FDFT1: variants seen among roughly 807,000 people sequenced by gnomAD.
FDFT1 encodes the protein squalene synthase.
A neutral mutation model predicts 46.8 loss-of-function variants in FDFT1; 68 were observed. The ratio of observed to expected loss-of-function variants is 1.45; its 90% CI spans 1.19 to 1.78. The LOEUF (loss-of-function observed/expected upper bound fraction) is 1.78, where lower values mean the gene tolerates loss of function less well. FDFT1 is among the 40% of genes most tolerant of loss of function. The pLI, the probability that FDFT1 is intolerant of heterozygous loss-of-function variation, is 0.00. For missense variants in FDFT1, 928 were observed against 524.4 expected (o/e 1.77, Z -7.52); for synonymous variants, 351 against 185.1 (o/e 1.90, Z -7.28).
chr8:11,825,742 CT>C (rs1809881245), intron 4 of FDFT1, among the ~76,000 whole-genome samples: 1 of 151,350 alleles, frequency 6.6e-6, no homozygotes, highest in South Asian at 2.1e-4. Flanking sequence ...TTTCAGTAGC[CT>C]TTTATTATAG....
upstream of FDFT1, among the ~76,000 whole-genome samples, chr8:11,799,822 T>G (rs1805921864): frequency 6.6e-6 from 1 of 151,846 alleles, no homozygotes; most frequent in Non-Finnish European, 1.5e-5. Flanking sequence ...GGTACATGCC[T>G]GTAGTTCCAG....
At chr8:11,801,102 G>A (rs1170506258), upstream of FDFT1, among the ~76,000 whole-genome samples, 1 of 152,182 alleles carries the variant, frequency 6.6e-6, no homozygotes, top group Admixed American at 6.5e-5. Context: ...GCAGACTCGA[G>A]GGGCACAGGA....
At chr8:11,798,915 G>A (rs1805829482), upstream of FDFT1, among the ~76,000 whole-genome samples, 1 of 152,148 alleles carries the variant, frequency 6.6e-6, no homozygotes, top group Non-Finnish European at 1.5e-5. Context: ...CTTCTAAAGG[G>A]TTACAGCATG....
chr8:11,835,048 C>G (rs913744771), intron 7 of FDFT1, among the ~76,000 whole-genome samples: 2 of 152,170 alleles, frequency 1.3e-5, no homozygotes, highest in Non-Finnish European at 2.9e-5. Context: ...CGCTTGAACT[C>G]GGGAGGTGGA....
intron 1 of FDFT1, among the ~76,000 whole-genome samples, chr8:11,807,070 G>T (rs922593416): frequency 6.8e-6 from 1 of 147,680 alleles, no homozygotes; most frequent in Non-Finnish European, 1.5e-5. Flanking sequence ...CCAGAGCCCA[G>T]GGTTCACTGT....
chr8:11,804,374 G>A (rs918250983), intron 1 of FDFT1, among the ~76,000 whole-genome samples: 2 of 152,158 alleles, frequency 1.3e-5, no homozygotes, highest in African/African-American at 2.4e-5. Context: ...AGTGGGTAGA[G>A]AAAGACTTCA....
intron 7 of FDFT1, among the ~76,000 whole-genome samples, chr8:11,836,970 C>T (rs1316221882): frequency 6.6e-6 from 1 of 152,236 alleles, no homozygotes; most frequent in East Asian, 1.9e-4. Flanking sequence ...GCGGTGTAGT[C>T]AGGGTGAAAA....
Position 11,829,248 on chromosome 8 carries a change from A to G in FDFT1, c.703-996A>G, listed in dbSNP as rs118189720. Among the ~76,000 whole-genome samples the G allele has an allele frequency of 4.5e-3, 682 of 152,326 alleles. 9 individuals are homozygous for G. The highest frequency in any genetic ancestry group is 0.033 in the South Asian group (160 of 4,824). ...TGCCATTTTAACTATTTTTAAGTCT[A>G]TTATTCAGTGGCATTAAGTACATTA... On this transcript the variant is annotated intron_variant, in intron 5 of 7. Coordinates refer to ENST00000220584, the MANE Select transcript of FDFT1 (RefSeq NM_004462.5).
intron 3 of FDFT1, among the ~76,000 whole-genome samples, chr8:11,815,861 C>G (rs1808371324): frequency 6.6e-6 from 1 of 152,142 alleles, no homozygotes; most frequent in Non-Finnish European, 1.5e-5. Flanking sequence ...TGCAGAAGCT[C>G]TTTAGTTGAA....
intron 3 of FDFT1, among the ~76,000 whole-genome samples, chr8:11,818,141 G>A (rs1390875972): frequency 1.3e-5 from 2 of 152,166 alleles, no homozygotes; most frequent in Non-Finnish European, 2.9e-5. Context: ...TCAGGAGCAG[G>A]TTGTTCAGTT....
intron 3 of FDFT1, chr8:11,810,069 ACT>A (rs757033857): frequency 3.9e-6 from 2 of 507,906 alleles, no homozygotes; most frequent in South Asian, 3.0e-5. Flanking sequence ...ACTTACAAAG[ACT>A]CTCTGTGCCT....
upstream of FDFT1, chr8:11,801,700 T>G (rs1806133830): frequency 2.3e-5 from 7 of 299,504 alleles, no homozygotes; most frequent in South Asian, 8.2e-5. Context: ...AGTAGGTTTT[T>G]TTTTTTTTTT....
At chr8:11,802,329 A>G (rs1806207991), upstream of FDFT1, 4 of 409,058 alleles carry the variant, frequency 9.8e-6, no homozygotes, top group South Asian at 6.8e-5. Flanking sequence ...TGGGCGACTT[A>G]TTGACCAAGT....
chr8:11,829,840 TTTTG>T (rs1810524817), intron 5 of FDFT1, among the ~76,000 whole-genome samples: 3 of 151,838 alleles, frequency 2.0e-5, no homozygotes, highest in African/African-American at 7.3e-5. Context: ...TAGTGTTTTT[TTTTG>T]TTTTGTTTTG....
chr8:11,803,371 T>A (rs1235019585), intron 1 of FDFT1: 31 of 1,289,972 alleles, frequency 2.4e-5, no homozygotes, highest in Non-Finnish European at 3.1e-5. Context: ...CTCCTCCAGT[T>A]TCACCACCTC....
intron 7 of FDFT1, among the ~76,000 whole-genome samples, chr8:11,833,244 A>AT (rs1563342675): frequency 1.6e-4 from 25 of 152,292 alleles, no homozygotes; most frequent in African/African-American, 6.0e-4. Flanking sequence ...TGGGGTAGTG[A>AT]CCAAGTAGGT....
At chr8:11,815,734 A>G (rs894009044) in intron 3 of FDFT1, among the ~76,000 whole-genome samples, 1 of 151,898 alleles carries the variant, frequency 6.6e-6, no homozygotes, top group African/African-American at 2.4e-5. Context: ...TTTCTTGTAA[A>G]TTTTTTTTAA....
At chr8:11,836,751 C>T (rs946885815) in intron 7 of FDFT1, among the ~76,000 whole-genome samples, 3 of 152,214 alleles carry the variant, frequency 2.0e-5, no homozygotes, top group African/African-American at 7.2e-5. Context: ...ATTGAAAAGT[C>T]TTGGCTGGGT....
rs1034126237 is a variant in FDFT1 at position 11,803,058 on chromosome 8, C to G, written c.99+127C>G. The G allele has an allele frequency of 4.1e-6, 6 of 1,458,564 alleles. No homozygotes were observed. In the Admixed American group the frequency reaches 7.8e-5, roughly 19 times the overall value. The allele number at this position is 1,458,564 out of a possible 1,614,324, so 90.4% of individuals were successfully genotyped here. A position where few individuals can be genotyped will look rare whatever the true frequency, so the allele number is the denominator to read the frequency against. On this transcript the variant is annotated intron_variant, in intron 1 of 7. Transcript: ENST00000220584. Reference sequence around the variant, plus strand: ...GAGCAGGGCCGACGCCTGGGTGTTCCCGTCCCCCTTTCCTCGAGCCTTCCC... The same window carrying G: ...GAGCAGGGCCGACGCCTGGGTGTTCGCGTCCCCCTTTCCTCGAGCCTTCCC...
Sources: allele counts gnomAD v4.1 joint callset (sites outside exome capture counted in the v4.1 genomes callset), GRCh38; gene constraint gnomAD v4.1.1; transcripts MANE v1.5; gene names NCBI Gene and HGNC (gene_info 2026-07-23, HGNC 2026-07-21).